The following SETBP1 variants were observed in gnomAD, a reference collection of about 807,000 sequenced individuals.
SETBP1 encodes the protein SET-binding protein.
Under a neutral mutation model 101.0 loss-of-function variants are expected in SETBP1, and 9 were observed. The ratio of observed to expected loss-of-function variants is 0.09; its 90% CI spans 0.05 to 0.16. The LOEUF (loss-of-function observed/expected upper bound fraction) is 0.16, where lower values mean the gene tolerates loss of function less well. SETBP1 is among the 10% of genes least tolerant of loss of function. SETBP1 has a pLI of 1.00. For synonymous variants in SETBP1, 818 were observed against 788.5 expected (o/e 1.04, Z -0.63); for missense variants, 1,858 against 2,033.8 (o/e 0.91, Z 1.66).
At chr18:45,057,487 A>G (rs994112062) in intron 5 of SETBP1, among the ~76,000 whole-genome samples, 5 of 152,154 alleles carry the variant, frequency 3.3e-5, no homozygotes, top group Non-Finnish European at 7.4e-5. Flanking sequence ...TGCTGTATCA[A>G]TGGGCCTGTG....
At chr18:44,897,808 G>C (rs1390087782) in intron 3 of SETBP1, among the ~76,000 whole-genome samples, 1 of 152,190 alleles carries the variant, frequency 6.6e-6, no homozygotes, top group Non-Finnish European at 1.5e-5. Flanking sequence ...GCTTTGGGCT[G>C]TTCTCTTGGT....
chr18:44,903,242 T>C (rs903726388), intron 3 of SETBP1, among the ~76,000 whole-genome samples: 1 of 152,130 alleles, frequency 6.6e-6, no homozygotes, highest in African/African-American at 2.4e-5. Context: ...GTTTTAGGTA[T>C]AAAATAAAGC....
At chr18:44,846,844 T>G (rs1310601760) in intron 2 of SETBP1, among the ~76,000 whole-genome samples, 1 of 152,230 alleles carries the variant, frequency 6.6e-6, no homozygotes, top group East Asian at 1.9e-4. Context: ...TCAGTTTTAG[T>G]CTCTCCTTTT....
chr18:44,699,671 T>C (rs2069081568), intron 1 of SETBP1, among the ~76,000 whole-genome samples: 2 of 152,186 alleles, frequency 1.3e-5, no homozygotes, highest in South Asian at 4.1e-4. Context: ...CTGTATTCGT[T>C]GAATCTTCCC....
chr18:45,045,018 T>C (rs1457658768), intron 5 of SETBP1, among the ~76,000 whole-genome samples: 3 of 152,140 alleles, frequency 2.0e-5, no homozygotes, highest in Non-Finnish European at 4.4e-5. Context: ...GTGCGGTGGC[T>C]TATGCCTGAT....
chr18:44,882,601 A>G (rs2069555624), intron 3 of SETBP1, among the ~76,000 whole-genome samples: 3 of 151,598 alleles, frequency 2.0e-5, no homozygotes, highest in Non-Finnish European at 4.4e-5. Flanking sequence ...AGCAGCTTCC[A>G]TTGCCTCCTA....
At chr18:44,784,546 T>C (rs1263931090) in intron 2 of SETBP1, among the ~76,000 whole-genome samples, 1 of 152,236 alleles carries the variant, frequency 6.6e-6, no homozygotes, top group Non-Finnish European at 1.5e-5. Flanking sequence ...TTCTATCACA[T>C]TGACCTGTTT....
intron 2 of SETBP1, among the ~76,000 whole-genome samples, chr18:44,787,811 G>A (rs571578878): frequency 0.023 from 2,717 of 115,670 alleles, 45 homozygotes; most frequent in Non-Finnish European, 0.033. Context: ...CCGAGATTGC[G>A]CCACTGCAGT....
intron 1 of SETBP1, among the ~76,000 whole-genome samples, chr18:44,695,225 C>T (rs751716174): frequency 2.3e-4 from 35 of 152,072 alleles, no homozygotes; most frequent in Non-Finnish European, 3.4e-4. Context: ...GGAAAAACTT[C>T]GAAAGAAGCC....
intron 2 of SETBP1, among the ~76,000 whole-genome samples, chr18:44,834,328 G>C (rs532379605): frequency 6.6e-6 from 1 of 152,300 alleles, no homozygotes; most frequent in East Asian, 1.9e-4. Context: ...CTCTTTATGG[G>C]AATGACAATA....
chr18:45,025,759 G>A (rs1302957860), intron 4 of SETBP1, among the ~76,000 whole-genome samples: 1 of 152,118 alleles, frequency 6.6e-6, no homozygotes, highest in African/African-American at 2.4e-5. Flanking sequence ...ATATACAGTG[G>A]GTGATCTTTT....
intron 2 of SETBP1, among the ~76,000 whole-genome samples, chr18:44,793,685 C>T (rs945281374): frequency 3.3e-5 from 5 of 152,092 alleles, no homozygotes; most frequent in African/African-American, 7.2e-5. Context: ...CTATAAACAG[C>T]CTAGATAGGG....
chr18:44,941,077 C>T (rs115979471), intron 3 of SETBP1, among the ~76,000 whole-genome samples: 26 of 74,858 alleles, frequency 3.5e-4, no homozygotes, highest in African/African-American at 1.1e-3. Context: ...AGAAGTCAGA[C>T]TTTTTTTTTT....
chr18:44,927,244 G>C (rs1286624663), intron 3 of SETBP1, among the ~76,000 whole-genome samples: 1 of 152,156 alleles, frequency 6.6e-6, no homozygotes, highest in Non-Finnish European at 1.5e-5. Flanking sequence ...CTGATGAAGA[G>C]AGTCAGATGC....
At chr18:44,898,842 A>G (rs1275173103) in intron 3 of SETBP1, among the ~76,000 whole-genome samples, 1 of 152,208 alleles carries the variant, frequency 6.6e-6, no homozygotes, top group Admixed American at 6.5e-5. Context: ...AAAATATTTG[A>G]GAGGATTAAA....
chr18:44,996,002 T>G (rs1408803594), intron 4 of SETBP1, among the ~76,000 whole-genome samples: 1 of 152,188 alleles, frequency 6.6e-6, no homozygotes, highest in Non-Finnish European at 1.5e-5. Flanking sequence ...TTTAGGAAAA[T>G]GTTTTTACCA....
intron 2 of SETBP1, among the ~76,000 whole-genome samples, chr18:44,797,471 T>C (rs1416954338): frequency 6.6e-6 from 1 of 152,216 alleles, no homozygotes; most frequent in Non-Finnish European, 1.5e-5. Context: ...TGTCATGACT[T>C]ATTCTCTGTT....
chr18:44,782,360 A>G lies in SETBP1; in HGVS notation c.486+80528A>G, dbSNP rs552428152. ...ATGTATTTTTTGCTACGTAGCCAAC[A>G]TGACTGGTTTTGGGGAAAAATATAG... On this transcript the variant is annotated intron_variant, in intron 2 of 5. Transcript: ENST00000649279. Among the ~76,000 whole-genome samples, 147 of 151,946 alleles carry G rather than the reference A, an allele frequency of 9.7e-4. 1 individual carries two copies. The highest frequency in any genetic ancestry group is 3.3e-3 in the African/African-American group (137 of 41,396).
chr18:44,923,020 G>A (rs2070616628), intron 3 of SETBP1, among the ~76,000 whole-genome samples: 1 of 152,194 alleles, frequency 6.6e-6, no homozygotes, highest in South Asian at 2.1e-4. Flanking sequence ...CTTGAAAAGA[G>A]CCGCTTGGCT....
Sources: gnomAD v4.1 joint callset for allele counts (sites outside exome capture counted in the v4.1 genomes callset) on GRCh38, gnomAD v4.1.1 for gene constraint, MANE v1.5 for transcripts, NCBI Gene and HGNC (gene_info 2026-07-23, HGNC 2026-07-21) for gene names.